CNOT4: variants seen among roughly 807,000 people sequenced by gnomAD.
The protein encoded by CNOT4 is CCR4-associated factor 4.
A neutral mutation model predicts 73.8 loss-of-function variants in CNOT4; 8 were observed. The ratio of observed to expected loss-of-function variants is 0.11; its 90% CI spans 0.06 to 0.20. The LOEUF is 0.20. Among genes scored for constraint, CNOT4 ranks in the 10% least tolerant of loss-of-function variants. The pLI is 1.00. For synonymous variants in CNOT4, 293 were observed against 321.1 expected, an observed-to-expected ratio of 0.91 and a Z score of 0.94; for missense variants, 564 against 883.4, an observed-to-expected ratio of 0.64 and a Z score of 4.58.
intron 10 of CNOT4, among the ~76,000 whole-genome samples, chr7:135,379,055 A>T (rs79005951): frequency 0.17 from 25,400 of 151,854 alleles, 2,546 homozygotes; most frequent in Non-Finnish European, 0.22. Context: ...CCAGTAGGAA[A>T]ATCATATAGG....
chr7:135,477,809 A>G (rs1802091561), intron 1 of CNOT4, among the ~76,000 whole-genome samples: 1 of 152,202 alleles, frequency 6.6e-6, no homozygotes. Context: ...GATTCACTGA[A>G]CAATAAATTC....
intron 1 of CNOT4, among the ~76,000 whole-genome samples, chr7:135,466,254 G>C (rs1382547153): frequency 2.0e-5 from 3 of 151,682 alleles, no homozygotes; most frequent in Non-Finnish European, 4.4e-5. Flanking sequence ...GTCTGAGGTG[G>C]GCGGATCATG....
chr7:135,366,585 T>A (rs1227814770), intron 10 of CNOT4, among the ~76,000 whole-genome samples: 1 of 152,148 alleles, frequency 6.6e-6, no homozygotes, highest in Non-Finnish European at 1.5e-5. Context: ...ATTAGCTAGT[T>A]TATAATGCAA....
intron 1 of CNOT4, among the ~76,000 whole-genome samples, chr7:135,442,498 C>G (rs1160404870): frequency 6.6e-6 from 1 of 152,218 alleles, no homozygotes; most frequent in Non-Finnish European, 1.5e-5. Flanking sequence ...ATTTGGGAGG[C>G]TGAAAAAGGA....
chr7:135,503,530 G>C (rs1457606539), intron 1 of CNOT4, among the ~76,000 whole-genome samples: 1 of 152,014 alleles, frequency 6.6e-6, no homozygotes, highest in East Asian at 1.9e-4. Context: ...ATTTGAAGCT[G>C]AGTAACAGGT....
intron 7 of CNOT4, among the ~76,000 whole-genome samples, chr7:135,409,063 C>CT (rs1490123294): frequency 6.6e-6 from 1 of 152,106 alleles, no homozygotes; most frequent in African/African-American, 2.4e-5. Context: ...TCACCAAGGG[C>CT]TATAAACCCA....
intron 1 of CNOT4, among the ~76,000 whole-genome samples, chr7:135,454,633 G>A (rs1018804106): frequency 9.9e-5 from 15 of 151,302 alleles, no homozygotes; most frequent in African/African-American, 3.4e-4. Flanking sequence ...AAGAGTAAAA[G>A]CCTGTCTCAA....
chr7:135,367,378 G>A (rs908159574), intron 10 of CNOT4, among the ~76,000 whole-genome samples: 1 of 152,068 alleles, frequency 6.6e-6, no homozygotes, highest in African/African-American at 2.4e-5. Flanking sequence ...AAGTCAGCAG[G>A]TCTCATAGAG....
intron 7 of CNOT4, among the ~76,000 whole-genome samples, chr7:135,400,755 G>T (rs1356460916): frequency 6.6e-6 from 1 of 152,106 alleles, no homozygotes; most frequent in Non-Finnish European, 1.5e-5. Flanking sequence ...AAAATTTGTA[G>T]ATTGTGTTAT....
At chr7:135,371,855 C>T (rs1795220084) in intron 10 of CNOT4, among the ~76,000 whole-genome samples, 1 of 152,094 alleles carries the variant, frequency 6.6e-6, no homozygotes, top group South Asian at 2.1e-4. Context: ...AATATGTAAG[C>T]AACGCTAAAT....
intron 10 of CNOT4, among the ~76,000 whole-genome samples, chr7:135,391,089 A>G (rs910071233): frequency 6.6e-6 from 1 of 152,168 alleles, no homozygotes; most frequent in African/African-American, 2.4e-5. Flanking sequence ...AACAGGTGCA[A>G]GTGAGTTACC....
chr7:135,458,803 T>C (rs1800701951), intron 1 of CNOT4, among the ~76,000 whole-genome samples: 1 of 152,072 alleles, frequency 6.6e-6, no homozygotes, highest in African/African-American at 2.4e-5. Flanking sequence ...TTGCTATTTC[T>C]ACCATATCTG....
intron 1 of CNOT4, among the ~76,000 whole-genome samples, chr7:135,473,473 C>T (rs762999692): frequency 6.6e-6 from 1 of 152,102 alleles, no homozygotes; most frequent in African/African-American, 2.4e-5. Flanking sequence ...ATAGGCCTGG[C>T]GTGGTGGCTC....
intron 1 of CNOT4, among the ~76,000 whole-genome samples, chr7:135,492,560 G>A (rs1353772590): frequency 6.6e-6 from 1 of 152,136 alleles, no homozygotes; most frequent in East Asian, 1.9e-4. Flanking sequence ...CAGGTAGAAT[G>A]GGCTGAAAAG....
intron 2 of CNOT4, among the ~76,000 whole-genome samples, chr7:135,434,369 C>A (rs1262627043): frequency 6.6e-6 from 1 of 152,224 alleles, no homozygotes; most frequent in East Asian, 1.9e-4. Flanking sequence ...AGACTCTCTG[C>A]TGCCTGCACT....
chr7:135,381,227 C>T (rs1049867859), intron 10 of CNOT4, among the ~76,000 whole-genome samples: 2 of 152,198 alleles, frequency 1.3e-5, no homozygotes, highest in African/African-American at 4.8e-5. Flanking sequence ...TCCTCTACTA[C>T]ATTCATTAAG....
At chr7:135,385,003 C>T (rs1047731209) in intron 10 of CNOT4, among the ~76,000 whole-genome samples, 1 of 151,940 alleles carries the variant, frequency 6.6e-6, no homozygotes, top group African/African-American at 2.4e-5. Context: ...AGCTCTTACG[C>T]TTTCCAATTT....
chr7:135,434,464 TAATAAC>T (rs1444468222), intron 2 of CNOT4, among the ~76,000 whole-genome samples: 1 of 152,186 alleles, frequency 6.6e-6, no homozygotes, highest in African/African-American at 2.4e-5. Context: ...ATTCCTGGCC[TAATAAC>T]AATAACCACC....
chr7:135,453,491 C>T (rs1800302089), intron 1 of CNOT4, among the ~76,000 whole-genome samples: 1 of 151,748 alleles, frequency 6.6e-6, no homozygotes, highest in Non-Finnish European at 1.5e-5. Context: ...ACCACTTCTG[C>T]AGTTTTACTT....
Sources: gnomAD v4.1 joint callset for allele counts (sites outside exome capture counted in the v4.1 genomes callset) on GRCh38, gnomAD v4.1.1 for gene constraint, MANE v1.5 for transcripts, NCBI Gene and HGNC (gene_info 2026-07-23, HGNC 2026-07-21) for gene names.